Variants in KMT5B observed in about 807,000 individuals in gnomAD.
KMT5B encodes histone-lysine N-methyltransferase KMT5B.
In KMT5B, 10 loss-of-function variants were observed where a neutral mutation model predicts 83.2. That is an observed-to-expected ratio of 0.12 (90% CI 0.07 to 0.20). The LOEUF (loss-of-function observed/expected upper bound fraction) is 0.20, where lower values mean the gene tolerates loss of function less well. Among genes scored for constraint, KMT5B ranks in the 10% least tolerant of loss-of-function variants. The probability of loss-of-function intolerance (pLI) is 1.00; values close to 1 mark genes in which losing one functional copy is unlikely to be tolerated. For missense variants in KMT5B, 753 were observed against 1,067.2 expected, an observed-to-expected ratio of 0.71 and a Z score of 4.10; for synonymous variants, 349 against 388.8, an observed-to-expected ratio of 0.90 and a Z score of 1.20.
At chr11:68,167,518 G>A (rs1017213830) in intron 9 of KMT5B, among the ~76,000 whole-genome samples, 46 of 149,786 alleles carry the variant, frequency 3.1e-4, no homozygotes, top group African/African-American at 9.6e-4. Context: ...GCAGTGGCAC[G>A]ATCATGGCTC....
chr11:68,160,198 TATAAAGA>T (rs1203862464), intron 10 of KMT5B, among the ~76,000 whole-genome samples: 1 of 152,182 alleles, frequency 6.6e-6, no homozygotes, highest in Non-Finnish European at 1.5e-5. Flanking sequence ...GTGCTGTCAA[TATAAAGA>T]ATAAAGTTGA....
chr11:68,193,068 T>C (rs1165346802), intron 1 of KMT5B, among the ~76,000 whole-genome samples: 1 of 152,206 alleles, frequency 6.6e-6, no homozygotes, highest in African/African-American at 2.4e-5. Context: ...CACCTCATTA[T>C]CGAATTATGC....
chr11:68,210,247 G>A (rs80026780), intron 1 of KMT5B, among the ~76,000 whole-genome samples: 7 of 87,840 alleles, frequency 8.0e-5, no homozygotes, highest in Admixed American at 6.9e-4. Flanking sequence ...ATCAAGCTTT[G>A]GGGGGGGGGA....
At chr11:68,175,213 A>G (rs755663792) in intron 4 of KMT5B, 30 bp from the exon 5 acceptor site, 1 of 1,579,596 alleles carries the variant, frequency 6.3e-7, no homozygotes, top group South Asian at 1.1e-5. Flanking sequence ...TGAATGGGTT[A>G]TCTGCCACAA....
At chr11:68,213,430 C>A (rs1299401381), upstream of KMT5B, 1 of 146,042 alleles carries the variant, frequency 6.8e-6, no homozygotes, top group Non-Finnish European at 1.5e-5. Context: ...CCTCGGCTCG[C>A]TGCGCCCCCG....
At chr11:68,205,364 A>G (rs554916719) in intron 1 of KMT5B, among the ~76,000 whole-genome samples, 1 of 152,276 alleles carries the variant, frequency 6.6e-6, no homozygotes, top group African/African-American at 2.4e-5. Flanking sequence ...CTATCCTTCA[A>G]CTGAAGGTAT....
Position 68,180,163 on chromosome 11 carries a change from A to G in KMT5B, c.346T>C (p.Ser116Pro), listed in dbSNP as rs754856142. 50 of 1,575,828 alleles carry G rather than the reference A, an allele frequency of 3.2e-5. 1 individual carries two copies. The Admixed American group carries it at 5.6e-4, about 18-fold the overall frequency. The change falls in exon 4 of 11, where the codon TCT (serine) becomes CCT (proline). Residue 116 changes from serine to proline, a missense_variant. Physicochemically the swap from Ser to Pro is moderately conservative, Grantham distance 74. Around this residue, in one of 9 missense-constraint regions of KMT5B, gnomAD observed 71 missense variants for 107.0 expected, o/e 0.66. Coordinates refer to ENST00000304363, the MANE Select transcript of KMT5B (RefSeq NM_017635.5). ...GGGTTGTTGTGAGAAAAACTGTCAG[A>G]TTTTGAAAAATGCCTTGAGCTCCTC... Reference protein sequence around the residue: ...PSRSSRHFSKSDSFSHNNPVR... With the variant: ...PSRSSRHFSKPDSFSHNNPVR...
rs1318187426 is a variant in KMT5B, at chr11:68,157,825, A to G, written c.2521T>C (p.Tyr841His). 4 of 1,614,136 alleles carry G rather than the reference A, an allele frequency of 2.5e-6. No individual in the cohort carries two copies. ...AAATCGTCTTCAAAGTCATCATCAT[A>G]GTCATCCTCCTCTTCATCGCCCTCA... Reference protein sequence around the residue: ...SSEGDEEEDDYDDDFEDDFIP... With the variant: ...SSEGDEEEDDHDDDFEDDFIP... Residue 841 changes from tyrosine to histidine, a missense_variant, in exon 11 of 11, where the codon TAT becomes CAT. Physicochemically the swap from Tyr to His is moderately conservative, Grantham distance 83. Transcript: ENST00000304363.
chr11:68,202,875 T>C (rs910264495), intron 1 of KMT5B, among the ~76,000 whole-genome samples: 3 of 151,936 alleles, frequency 2.0e-5, no homozygotes, highest in Non-Finnish European at 4.4e-5. Flanking sequence ...CGAATAATCC[T>C]GCTGTGAACG....
intron 3 of KMT5B, among the ~76,000 whole-genome samples, chr11:68,181,051 T>C (rs527906403): frequency 2.0e-5 from 3 of 151,948 alleles, no homozygotes; most frequent in African/African-American, 7.2e-5. Context: ...TCTCCAATCA[T>C]TAAACATCTA....
intron 3 of KMT5B, among the ~76,000 whole-genome samples, chr11:68,184,368 T>A (rs1017098729): frequency 2.6e-5 from 4 of 151,778 alleles, no homozygotes; most frequent in African/African-American, 9.7e-5. Flanking sequence ...TGAGACTCCA[T>A]CTAAAAAAGA....
At chr11:68,183,962 G>A (rs567580277) in intron 3 of KMT5B, among the ~76,000 whole-genome samples, 1 of 152,220 alleles carries the variant, frequency 6.6e-6, no homozygotes, top group South Asian at 2.1e-4. Flanking sequence ...GCCCAGCCTG[G>A]ATCTTAATCA....
chr11:68,177,471 A>AG (rs1185766044), intron 4 of KMT5B, among the ~76,000 whole-genome samples: 2 of 152,134 alleles, frequency 1.3e-5, no homozygotes, highest in Non-Finnish European at 2.9e-5. Context: ...GGAAGAGGAA[A>AG]GACATGAGGT....
chr11:68,189,973 G>C lies in KMT5B; in HGVS notation c.104C>G (p.Thr35Arg). ...HQQNQSKLQH[T>R]GKDTLKAGKN... ...GCCAGCCTTCAGGGTGTCCTTCCCC[G>C]TGTGCTGTAATTTTGATTGATTCTG... Residue 35 changes from threonine (T) to arginine (R), a missense_variant, in exon 2 of 11, where the codon ACG becomes AGG. Thr to Arg is a moderately conservative substitution (Grantham distance 71). Coordinates refer to ENST00000304363, the MANE Select transcript of KMT5B (RefSeq NM_017635.5). The C allele has an allele frequency of 6.2e-7, 1 of 1,614,030 alleles. No homozygotes were observed. The highest frequency in any genetic ancestry group is 8.5e-7 in the Non-Finnish European group (1 of 1,179,994).
intron 1 of KMT5B, among the ~76,000 whole-genome samples, chr11:68,195,827 A>G (rs556904136): frequency 6.6e-6 from 1 of 152,296 alleles, no homozygotes; most frequent in South Asian, 2.1e-4. Flanking sequence ...TTTTAGTTAT[A>G]TATGTGTAAA....
chr11:68,189,935 C>A lies in KMT5B; in HGVS notation c.142G>T (p.Glu48Ter), dbSNP rs1256875734. Residue 48 changes from glutamate (E) to a stop codon, truncating the protein, a stop_gained, in exon 2 of 11, where the codon GAG (glutamate) becomes TAG (stop). Coordinates refer to ENST00000304363, the MANE Select transcript of KMT5B (RefSeq NM_017635.5). LOFTEE classifies it high-confidence loss of function. Reference protein sequence around the residue: ...DTLKAGKNAVERRSNRCNGNS... With the variant: ...DTLKAGKNAV ...TACATACATCTGTTCGACCTCCTCT[C>A]GACTGCATTTTTGCCAGCCTTCAGG... 6.2e-7 allele frequency: 1 copy of A among 1,614,030 alleles called. No individual in the cohort carries two copies. The highest frequency in any genetic ancestry group is 8.5e-7 in the Non-Finnish European group (1 of 1,180,034).
chr11:68,208,329 C>T (rs1860437589), intron 1 of KMT5B, among the ~76,000 whole-genome samples: 1 of 148,566 alleles, frequency 6.7e-6, no homozygotes, highest in Non-Finnish European at 1.5e-5. Flanking sequence ...TGGCTGTAAT[C>T]CCAGCTACTC....
At chr11:68,166,239 C>T (rs987723671) in intron 10 of KMT5B, 9 of 1,221,968 alleles carry the variant, frequency 7.4e-6, no homozygotes, top group East Asian at 3.8e-5. Context: ...TTCAAAGCTC[C>T]GCAAACAGGA....
At chr11:68,211,063 C>T (rs888254612) in intron 1 of KMT5B, among the ~76,000 whole-genome samples, 1 of 152,220 alleles carries the variant, frequency 6.6e-6, no homozygotes, top group Non-Finnish European at 1.5e-5. Flanking sequence ...GCCACGAACC[C>T]AGGCCCTATA....
Sources: allele counts gnomAD v4.1 joint callset (sites outside exome capture counted in the v4.1 genomes callset), GRCh38; gene constraint gnomAD v4.1.1; regional missense constraint gnomAD v4.1.1; transcripts MANE v1.5; gene names NCBI Gene and HGNC (gene_info 2026-07-23, HGNC 2026-07-21).